KCNN2: variants seen among roughly 807,000 people sequenced by gnomAD.
The protein encoded by KCNN2 is small conductance calcium-activated potassium channel protein 2.
In KCNN2, 24 loss-of-function variants were observed where a neutral mutation model predicts 55.5. The observed-to-expected ratio is 0.43, with a 90% CI of 0.31 to 0.61. The LOEUF (loss-of-function observed/expected upper bound fraction) is 0.61. Ranked by LOEUF, KCNN2 falls within the 20% of genes least tolerant of loss-of-function variation. KCNN2 has a pLI of 0.08. For synonymous variants in KCNN2, 431 were observed against 336.1 expected (o/e 1.28, Z -3.09); for missense variants, 754 against 853.6 (o/e 0.88, Z 1.45).
intron 2 of KCNN2, among the ~76,000 whole-genome samples, chr5:114,367,649 CA>C (rs1349460295): frequency 2.7e-5 from 4 of 149,650 alleles, no homozygotes; most frequent in African/African-American, 9.7e-5. Flanking sequence ...TTTTCAGTGA[CA>C]TTTTTTTTTT....
chr5:114,185,604 C>G (rs1434916505), intron 1 of KCNN2, among the ~76,000 whole-genome samples: 1 of 152,210 alleles, frequency 6.6e-6, no homozygotes, highest in Non-Finnish European at 1.5e-5. Flanking sequence ...CAATAAAACC[C>G]TGCTGTACTC....
intron 3 of KCNN2, among the ~76,000 whole-genome samples, chr5:114,439,364 T>C (rs997245863): frequency 1.3e-5 from 2 of 151,372 alleles, no homozygotes; most frequent in Non-Finnish European, 3.0e-5. Flanking sequence ...GTATATAATC[T>C]CACACCCCAC....
rs1284019510 is a variant in KCNN2 at position 114,287,765 on chromosome 5, AAAG to A, written c.-185+66209_-185+66211del. Among the ~76,000 whole-genome samples the A allele has an allele frequency of 1.3e-4, 20 of 152,010 alleles. No individual in the cohort carries two copies. The East Asian group carries it at 1.7e-3, about 13-fold the overall frequency. ...GTCTCAGAACTTAAATAAAAAAAAAAAAGAAGAAGAATACTCAGAGAGTAGGAT... is the reference window on the plus strand; with the variant it reads ...GTCTCAGAACTTAAATAAAAAAAAAAAAGAAGAATACTCAGAGAGTAGGAT... On this transcript the variant is annotated intron_variant, in intron 2 of 10. Transcript: ENST00000512097.
At chr5:114,157,445 G>A (rs894488188) in intron 1 of KCNN2, among the ~76,000 whole-genome samples, 2 of 151,996 alleles carry the variant, frequency 1.3e-5, no homozygotes, top group Non-Finnish European at 2.9e-5. Context: ...TTGCTATTGT[G>A]AATAGTGCCG....
rs748394221 is a variant in KCNN2 at position 114,473,175 on chromosome 5, A to C, written c.1890+11A>C. 4.9e-6 allele frequency: 7 copies of C among 1,422,454 alleles called. No homozygotes were observed. The highest frequency in any genetic ancestry group is 3.5e-5 in the South Asian group (3 of 85,496). 88.1% of individuals were successfully genotyped at this position (1,422,454 alleles called of 1,614,324 possible). A position where few individuals can be genotyped will look rare whatever the true frequency, so the allele number is the denominator to read the frequency against. Reference sequence around the variant, plus strand: ...CAGCTGACTAAAAGAGTAAGTTACTATCCATATATCTTCAAAGAGAATATT... The same window carrying C: ...CAGCTGACTAAAAGAGTAAGTTACTCTCCATATATCTTCAAAGAGAATATT... On this transcript the variant is annotated intron_variant, in intron 5 of 7. Coordinates refer to ENST00000673685, the MANE Select transcript of KCNN2 (RefSeq NM_021614.4).
chr5:114,297,222 G>A (rs770165939), intron 2 of KCNN2, among the ~76,000 whole-genome samples: 23 of 152,098 alleles, frequency 1.5e-4, no homozygotes, highest in Non-Finnish European at 3.4e-4. Context: ...GGAGGCAGAG[G>A]TGGGAGGATC....
intron 3 of KCNN2, among the ~76,000 whole-genome samples, chr5:114,427,537 A>G (rs561940160): frequency 1.3e-5 from 2 of 152,352 alleles, no homozygotes; most frequent in South Asian, 4.1e-4. Flanking sequence ...TTATGTTAAT[A>G]TTGGTCCCAG....
chr5:114,409,996 C>T (rs1759079850), intron 3 of KCNN2, among the ~76,000 whole-genome samples: 1 of 152,178 alleles, frequency 6.6e-6, no homozygotes, highest in African/African-American at 2.4e-5. Context: ...GTAATCTACT[C>T]TTTCTCTGGT....
intron 6 of KCNN2, among the ~76,000 whole-genome samples, chr5:114,489,758 G>T (rs1326027797): frequency 6.6e-6 from 1 of 152,138 alleles, no homozygotes; most frequent in East Asian, 1.9e-4. Context: ...AGCACACAGG[G>T]CTCGATTCCT....
intron 1 of KCNN2, among the ~76,000 whole-genome samples, chr5:114,108,910 A>G (rs1325668177): frequency 3.3e-5 from 5 of 152,102 alleles, no homozygotes; most frequent in Non-Finnish European, 4.4e-5. Flanking sequence ...GTCATAAGAT[A>G]GATGTACATT....
intron 2 of KCNN2, among the ~76,000 whole-genome samples, chr5:114,327,227 T>A (rs1338447134): frequency 6.6e-6 from 1 of 152,182 alleles, no homozygotes; most frequent in Non-Finnish European, 1.5e-5. Flanking sequence ...TGAAACAAAG[T>A]CTTAGTGTGT....
At position 114,383,464 on chromosome 5, in the gene KCNN2, CTTTTTTTTTTT is replaced by C. The variant is rs66787954; in HGVS notation, c.1218+19477_1218+19487del. On this transcript the variant is annotated intron_variant, in intron 2 of 7. Coordinates refer to ENST00000673685, the MANE Select transcript of KCNN2 (RefSeq NM_021614.4). The stretch of plus-strand genomic sequence containing the variant: ...AAGACATACTAAGCCCCACTAAATG[CTTTTTTTTTTT>C]TTTTTTTTTTTTTGAGGCAGTCTTG... Among the ~76,000 whole-genome samples, 45 of 102,742 alleles carry C rather than the reference CTTTTTTTTTTT, an allele frequency of 4.4e-4. 1 individual carries two copies. Among genetic ancestry groups the C allele is most frequent in the East Asian group, 7.6e-4 (2 of 2,616 alleles). 67.4% of individuals were successfully genotyped at this position (102,742 alleles called of 152,430 possible). A position where few individuals can be genotyped will look rare whatever the true frequency, so the allele number is the denominator to read the frequency against.
chr5:114,162,895 T>A (rs1245963374), intron 1 of KCNN2, among the ~76,000 whole-genome samples: 1 of 152,122 alleles, frequency 6.6e-6, no homozygotes, highest in African/African-American at 2.4e-5. Context: ...CCAGGTGCCG[T>A]CTGTCACCCC....
chr5:114,394,713 G>C (rs921235017), intron 2 of KCNN2, among the ~76,000 whole-genome samples: 1 of 152,216 alleles, frequency 6.6e-6, no homozygotes, highest in East Asian at 1.9e-4. Context: ...TTACTTAGTT[G>C]TCTCCAAATC....
rs1417178875 is a variant in KCNN2 at position 114,496,143 on chromosome 5, C to G, written c.2337C>G (p.Ser779=). The change falls in exon 8 of 8, where the codon TCC becomes TCG. Residue 779 remains serine, a synonymous_variant. Coordinates refer to ENST00000673685, the MANE Select transcript of KCNN2 (RefSeq NM_021614.4). The part of the protein sequence containing the change: ...RSRSSSRRRR[S]SSTAPPTSSE... Reference sequence around the variant, plus strand: ...GGTCCTCGTCCAGGAGGCGGCGGTCCTCTTCCACAGCACCACCAACTTCAT... The same window carrying G: ...GGTCCTCGTCCAGGAGGCGGCGGTCGTCTTCCACAGCACCACCAACTTCAT... The G allele has an allele frequency of 6.2e-7, 1 of 1,614,006 alleles. No individual in the cohort carries two copies. Among genetic ancestry groups the G allele is most frequent in the Admixed American group, 1.7e-5 (1 of 60,016 alleles).
chr5:114,079,780 C>T (rs1383993692), intron 1 of KCNN2, among the ~76,000 whole-genome samples: 1 of 151,276 alleles, frequency 6.6e-6, no homozygotes, highest in Non-Finnish European at 1.5e-5. Flanking sequence ...TTGCTGCAGC[C>T]ATCAGCTTTA....
intron 2 of KCNN2, among the ~76,000 whole-genome samples, chr5:114,231,366 A>G (rs1754354465): frequency 7.8e-6 from 1 of 128,014 alleles, no homozygotes; most frequent in Non-Finnish European, 1.6e-5. Context: ...GCCCATGCCT[A>G]TGTCCTGAAT....
At chr5:114,363,776 G>A (rs1326558084) in intron 1 of KCNN2, 130 bp from the exon 2 acceptor site, 2 of 652,508 alleles carry the variant, frequency 3.1e-6, no homozygotes, top group South Asian at 3.7e-5. Flanking sequence ...CAAGACAGGT[G>A]CACCCCTCTC....
chr5:114,121,706 T>C (rs964320807), intron 1 of KCNN2, among the ~76,000 whole-genome samples: 1 of 152,132 alleles, frequency 6.6e-6, no homozygotes, highest in Non-Finnish European at 1.5e-5. Flanking sequence ...TGCCAATGGG[T>C]CCTCCCAGCT....
Sources: allele counts gnomAD v4.1 joint callset (sites outside exome capture counted in the v4.1 genomes callset), GRCh38; gene constraint gnomAD v4.1.1; transcripts MANE v1.5; gene names NCBI Gene and HGNC (gene_info 2026-07-23, HGNC 2026-07-21).